Variants in COG7 observed in about 807,000 individuals in gnomAD.
COG7 encodes the protein conserved oligomeric Golgi complex subunit 7.
Under a neutral mutation model 91.5 loss-of-function variants are expected in COG7, and 49 were observed. The ratio of observed to expected loss-of-function variants is 0.54; its 90% CI spans 0.43 to 0.68. The LOEUF (loss-of-function observed/expected upper bound fraction) is 0.68. Ranked by LOEUF, COG7 falls within the 30% of genes least tolerant of loss-of-function variation. The pLI, the probability that COG7 is intolerant of heterozygous loss-of-function variation, is 0.00. For synonymous variants in COG7, 365 were observed against 388.7 expected (o/e 0.94, Z 0.72); for missense variants, 895 against 961.3 (o/e 0.93, Z 0.91).
chr16:23,406,081 G>T lies in COG7; in HGVS notation c.1657C>A (p.Leu553Ile), dbSNP rs1013455293. 6.2e-7 allele frequency: 1 copy of T among 1,612,444 alleles called. No individual in the cohort carries two copies. Among genetic ancestry groups the T allele is most frequent in the Admixed American group, 1.7e-5 (1 of 59,986 alleles). ...CCATTCATTTGGTCTCATACCTTAAGGGTATAAAGTATTTCCATTAAACTG... is the reference window on the plus strand; with the variant it reads ...CCATTCATTTGGTCTCATACCTTAATGGTATAAAGTATTTCCATTAAACTG... ...YASLMEILYT[L>I]KEKGSSNHNL... Residue 553 changes from leucine to isoleucine, a missense_variant, in exon 12 of 17, where the codon CTT becomes ATT. By Grantham distance (5) the Leu-to-Ile change is conservative (BLOSUM62 2). Transcript: ENST00000307149.
intron 14 of COG7, among the ~76,000 whole-genome samples, chr16:23,395,572 C>A (rs559913802): frequency 7.2e-5 from 11 of 152,316 alleles, no homozygotes; most frequent in African/African-American, 2.6e-4. Flanking sequence ...GGCAAAGTAT[C>A]ATTTAGGTGA....
chr16:23,410,895 C>T (rs925442851), intron 10 of COG7, among the ~76,000 whole-genome samples: 4 of 151,974 alleles, frequency 2.6e-5, no homozygotes, highest in Non-Finnish European at 4.4e-5. Flanking sequence ...TTAGTAGAGA[C>T]GGGGTTTCAC....
chr16:23,433,174 T>C (rs1183730459), intron 6 of COG7, among the ~76,000 whole-genome samples: 4 of 152,142 alleles, frequency 2.6e-5, no homozygotes, highest in Admixed American at 2.6e-4. Flanking sequence ...GGTGCGACCA[T>C]AGTCACTGTG....
intron 14 of COG7, 151 bp downstream of exon 14, chr16:23,397,895 C>T: frequency 1.4e-6 from 1 of 689,868 alleles, no homozygotes. Context: ...TTCTTAAAGT[C>T]CAGGATCTGG....
intron 2 of COG7, 110 bp downstream of exon 2, chr16:23,445,703 G>T: frequency 9.3e-7 from 1 of 1,080,778 alleles, no homozygotes; most frequent in Non-Finnish European, 1.4e-6. Context: ...AATCTTGAGT[G>T]ATGGTTGGCC....
At position 23,452,970 on chromosome 16, in the gene COG7, C is replaced by G. The variant is rs748425434; in HGVS notation, c.25G>C (p.Asp9His). Residue 9 changes from aspartate (D) to histidine (H), a missense_variant, in exon 1 of 17, where the codon GAC becomes CAC. Transcript: ENST00000307149. MDFSKFLADDFDVKEWINA... is the reference protein window; with the variant it reads MDFSKFLAHDFDVKEWINA... ...ATCCACTCCTTCACGTCGAAGTCGT[C>G]TGCCAGGAACTTGGAGAAGTCCATG... 2.5e-6 allele frequency: 4 copies of G among 1,614,106 alleles called. No individual in the cohort carries two copies. Among genetic ancestry groups the G allele is most frequent in the East Asian group, 2.2e-5 (1 of 44,876 alleles).
chr16:23,422,554 G>A (rs1963775886), intron 7 of COG7, among the ~76,000 whole-genome samples: 2 of 149,722 alleles, frequency 1.3e-5, no homozygotes, highest in Admixed American at 1.3e-4. Flanking sequence ...TTATATGGTA[G>A]ATATTAAGTA....
At chr16:23,389,830 T>G (rs1381986297) in intron 16 of COG7, 1 of 152,216 alleles carries the variant, frequency 6.6e-6, no homozygotes, top group East Asian at 1.9e-4. Context: ...GTTCTGTCAT[T>G]CTACAAAGCG....
rs1253441464 is a variant in COG7, at chr16:23,410,361, C to G, written c.1410-1G>C. Reference sequence around the variant, plus strand: ...AAGCTCTCCACAGGTGGCTATTATCCTAAACAAAACAAAAAGCACTTCAAG... The same window carrying G: ...AAGCTCTCCACAGGTGGCTATTATCGTAAACAAAACAAAAAGCACTTCAAG... On this transcript the variant is annotated splice_acceptor_variant, in intron 10 of 16. Transcript: ENST00000307149. LOFTEE classifies it high-confidence loss of function. 3 of 1,613,574 alleles carry G rather than the reference C, an allele frequency of 1.9e-6. No homozygotes were observed. The highest frequency in any genetic ancestry group is 2.7e-5 in the African/African-American group (2 of 74,924).
chr16:23,409,239 G>A (rs910384911), intron 11 of COG7, among the ~76,000 whole-genome samples: 8 of 152,238 alleles, frequency 5.3e-5, no homozygotes, highest in Non-Finnish European at 7.4e-5. Flanking sequence ...GTCAGAACGC[G>A]CTGGGCCGCT....
In COG7 at chr16:23,392,395, G is replaced by A. The variant is rs751492352; in HGVS notation, c.2131C>T (p.Leu711=). 3.0e-5 allele frequency: 48 copies of A among 1,614,118 alleles called. No individual in the cohort carries two copies. The highest frequency in any genetic ancestry group is 3.6e-5 in the Non-Finnish European group (43 of 1,180,056). The change falls in exon 16 of 17, where the codon CTG becomes TTG. Residue 711 remains leucine, a synonymous_variant. Coordinates refer to ENST00000307149, the MANE Select transcript of COG7 (RefSeq NM_153603.4). Reference sequence around the variant, plus strand: ...GGGGACCCACCGATGTCAGTGGCCAGCTGCTTGGCAGAGTGTGGGCTCAGC... The same window carrying A: ...GGGGACCCACCGATGTCAGTGGCCAACTGCTTGGCAGAGTGTGGGCTCAGC... ...PELSPHSAKQ[L]ATDIDYLINV...
chr16:23,389,086 T>G lies in COG7; in HGVS notation c.2147A>C (p.Asp716Ala). The G allele has an allele frequency of 2.5e-6, 4 of 1,613,722 alleles. No individual in the cohort carries two copies. Among genetic ancestry groups the G allele is most frequent in the Non-Finnish European group, 3.4e-6 (4 of 1,179,956 alleles). Residue 716 changes from aspartate to alanine, a missense_variant and splice_region_variant, in exon 17 of 17, where the codon GAC (aspartate) becomes GCC (alanine). Transcript: ENST00000307149. ...GGCATCCATCACGTTGATCAGATAG[T>G]CTGTGGGGGCGGAGAGGAGACAGAC... Reference protein sequence around the residue: ...HSAKQLATDIDYLINVMDALG... With the variant: ...HSAKQLATDIAYLINVMDALG...
At chr16:23,424,625 A>G in intron 7 of COG7, 124 bp downstream of exon 7, 1 of 1,024,534 alleles carries the variant, frequency 9.8e-7, no homozygotes. Context: ...CTGAGAAGGA[A>G]AACACCGATC....
rs541393972 is a variant in COG7, at chr16:23,424,462, G to C, written c.1009+287C>G. ...TGCCATAACATCTACCTGCCTCACT[G>C]TGATGCCTCTTTTATATCCCAAGCC... On this transcript the variant is annotated intron_variant, in intron 7 of 16. Transcript: ENST00000307149. Among the ~76,000 whole-genome samples, 7 of 152,228 alleles carry C rather than the reference G, an allele frequency of 4.6e-5. No homozygotes were observed. The South Asian group carries it at 1.2e-3, about 27-fold the overall frequency.
chr16:23,393,054 A>G (rs1963226554), intron 15 of COG7, among the ~76,000 whole-genome samples, 179 bp downstream of exon 15: 2 of 152,146 alleles, frequency 1.3e-5, no homozygotes, highest in Admixed American at 1.3e-4. Context: ...GTGGTTATAG[A>G]TTTTTCAAGT....
intron 9 of COG7, chr16:23,414,970 G>A (rs927765415): frequency 7.9e-5 from 12 of 152,328 alleles, no homozygotes; most frequent in Non-Finnish European, 1.5e-4. Context: ...GCCCCAAAAG[G>A]TCAGTCCATG....
chr16:23,389,377 A>G (rs1317490277), intron 16 of COG7, among the ~76,000 whole-genome samples: 1 of 151,684 alleles, frequency 6.6e-6, no homozygotes, highest in African/African-American at 2.4e-5. Flanking sequence ...ACACACACGC[A>G]CACACACTCT....
intron 11 of COG7, among the ~76,000 whole-genome samples, chr16:23,407,467 C>A (rs1030669395): frequency 7.9e-5 from 12 of 152,196 alleles, no homozygotes; most frequent in African/African-American, 2.4e-4. Context: ...TCCCAGAAGG[C>A]AAATCTGATT....
At chr16:23,421,885 A>T (rs534514345) in intron 7 of COG7, among the ~76,000 whole-genome samples, 27 of 152,028 alleles carry the variant, frequency 1.8e-4, no homozygotes, top group Non-Finnish European at 2.9e-4. Context: ...AAAATGTGAC[A>T]AGTATCTTCA....
Sources: allele counts gnomAD v4.1 joint callset (sites outside exome capture counted in the v4.1 genomes callset), GRCh38; gene constraint gnomAD v4.1.1; transcripts MANE v1.5; gene names NCBI Gene and HGNC (gene_info 2026-07-23, HGNC 2026-07-21).